GNAI1: variants seen among roughly 807,000 people sequenced by gnomAD.
The protein encoded by GNAI1 is G protein subunit alpha i1.
A neutral mutation model predicts 38.9 loss-of-function variants in GNAI1; 11 were observed. That is an observed-to-expected ratio of 0.28 (90% CI 0.18 to 0.47). The LOEUF (loss-of-function observed/expected upper bound fraction) is 0.47, where lower values mean the gene tolerates loss of function less well. GNAI1 is among the 20% of genes least tolerant of loss of function. GNAI1 has a pLI of 0.99. For synonymous variants in GNAI1, 166 were observed against 145.1 expected, an observed-to-expected ratio of 1.14 and a Z score of -1.04; for missense variants, 317 against 436.9, an observed-to-expected ratio of 0.73 and a Z score of 2.45.
At chr7:80,164,775 C>G (rs1787984993) in intron 1 of GNAI1, among the ~76,000 whole-genome samples, 3 of 152,140 alleles carry the variant, frequency 2.0e-5, no homozygotes, top group African/African-American at 7.2e-5. Flanking sequence ...TCCATGATTT[C>G]TCAAATTTCC....
chr7:80,214,863 C>T (rs950115139), intron 7 of GNAI1, among the ~76,000 whole-genome samples: 1 of 152,270 alleles, frequency 6.6e-6, no homozygotes, highest in East Asian at 1.9e-4. Context: ...CTTTCATAGT[C>T]GTATCTATTC....
At chr7:80,135,512 C>T in intron 1 of GNAI1, 1 of 402,828 alleles carries the variant, frequency 2.5e-6, no homozygotes, top group Admixed American at 4.5e-5. Context: ...CGTCACTTCA[C>T]TCGGATGCTT....
intron 1 of GNAI1, among the ~76,000 whole-genome samples, chr7:80,167,178 T>C (rs1347703845): frequency 6.6e-6 from 1 of 152,220 alleles, no homozygotes; most frequent in Non-Finnish European, 1.5e-5. Flanking sequence ...AATGACCTTT[T>C]TCTACATCTC....
At chr7:80,171,133 G>C (rs1478267572) in intron 1 of GNAI1, among the ~76,000 whole-genome samples, 1 of 152,160 alleles carries the variant, frequency 6.6e-6, no homozygotes, top group African/African-American at 2.4e-5. Flanking sequence ...CAGCTCATCA[G>C]ATTAAAATTA....
In GNAI1 at chr7:80,225,519, A is replaced by G. The variant is rs912985761; in HGVS notation, c.*8026A>G. Among the ~76,000 whole-genome samples the G allele has an allele frequency of 5.9e-5, 9 of 151,598 alleles. No homozygotes were observed. Among genetic ancestry groups the G allele is most frequent in the Admixed American group, 5.3e-4 (8 of 15,178 alleles). On this transcript the variant is annotated 3_prime_UTR_variant, in exon 8 of 8. Coordinates refer to ENST00000649796, the MANE Select transcript of GNAI1 (RefSeq NM_002069.6). ...TAGCCAAATTCCTTTCTTTCTCCAC[A>G]CCTCCCACAGGACTGGGCTGAGCAC... is the stretch of plus-strand genomic sequence containing the variant.
chr7:80,207,085 A>C (rs2115694651), intron 5 of GNAI1, among the ~76,000 whole-genome samples: 1 of 152,222 alleles, frequency 6.6e-6, no homozygotes, highest in African/African-American at 2.4e-5. Flanking sequence ...CCTAATAAGT[A>C]GTTGGGTAAA....
chr7:80,221,287 G>T lies in GNAI1; in HGVS notation c.*3794G>T, dbSNP rs1789069560. ...AAATAATCCATTAATTTTAATGGTT[G>T]TTGTCAGCATTAAATAAGTTCACAG... On this transcript the variant is annotated 3_prime_UTR_variant, in exon 8 of 8. Transcript: ENST00000649796. 6.6e-6 allele frequency among the ~76,000 whole-genome samples: 1 copy of T among 152,154 alleles called. No homozygotes were observed. Among genetic ancestry groups the T allele is most frequent in the South Asian group, 2.1e-4 (1 of 4,824 alleles).
At chr7:80,199,160 C>T in intron 3 of GNAI1, 65 bp from the exon 4 acceptor site, 2 of 1,085,514 alleles carry the variant, frequency 1.8e-6, no homozygotes, top group Admixed American at 2.5e-5. Flanking sequence ...CTAGAATTGT[C>T]TCCTTTGTAC....
rs368601117 is a variant in GNAI1, at chr7:80,210,962, T to G, written c.591-7T>G. On this transcript the variant is annotated splice_region_variant and splice_polypyrimidine_tract_variant and intron_variant, in intron 5 of 7. Transcript: ENST00000649796. Reference sequence around the variant, plus strand: ...ATGTGATGTTAACTCATTTCTCCTCTTAACAGAATGTTTGATGTGGGAGGT... The same window carrying G: ...ATGTGATGTTAACTCATTTCTCCTCGTAACAGAATGTTTGATGTGGGAGGT... 6.2e-7 allele frequency: 1 copy of G among 1,612,834 alleles called. No homozygotes were observed. The highest frequency in any genetic ancestry group is 2.2e-5 in the East Asian group (1 of 44,858).
chr7:80,159,275 G>T (rs1787876678), intron 1 of GNAI1, among the ~76,000 whole-genome samples: 1 of 152,086 alleles, frequency 6.6e-6, no homozygotes, highest in Non-Finnish European at 1.5e-5. Context: ...GATGGGCTGG[G>T]CTAAGTGACA....
At chr7:80,172,464 A>G (rs1354700131) in intron 1 of GNAI1, among the ~76,000 whole-genome samples, 2 of 152,204 alleles carry the variant, frequency 1.3e-5, no homozygotes, top group African/African-American at 2.4e-5. Flanking sequence ...AACAAAATAA[A>G]AATTGCCAGC....
rs1788997476 is a variant in GNAI1 at position 80,217,672 on chromosome 7, A to G, written c.*179A>G. The G allele has an allele frequency of 2.3e-6, 1 of 431,478 alleles. No individual in the cohort carries two copies. Among genetic ancestry groups the G allele is most frequent in the African/African-American group, 2.0e-5 (1 of 49,542 alleles). The allele number at this position is 431,478 out of a possible 1,614,324, so 26.7% of individuals were successfully genotyped here. A position where few individuals can be genotyped will look rare whatever the true frequency, so the allele number is the denominator to read the frequency against. On this transcript the variant is annotated 3_prime_UTR_variant, in exon 8 of 8. Transcript: ENST00000649796. ...AAAGTAACAGAAGGACCTTTCTTAA[A>G]TGTGACAGATGGTCCTGCAGTGTGA...
At chr7:80,182,514 C>T (rs746971685) in intron 1 of GNAI1, among the ~76,000 whole-genome samples, 1 of 152,036 alleles carries the variant, frequency 6.6e-6, no homozygotes, top group Non-Finnish European at 1.5e-5. Context: ...TCCAGAATGT[C>T]AGATATCTCC....
chr7:80,224,114 C>G lies in GNAI1; in HGVS notation c.*6621C>G, dbSNP rs986408688. Reference sequence around the variant, plus strand: ...ATGTACTCATATAGTAAGATTTACTCAAAACCACGAACTCCTCCATTATTT... The same window carrying G: ...ATGTACTCATATAGTAAGATTTACTGAAAACCACGAACTCCTCCATTATTT... On this transcript the variant is annotated 3_prime_UTR_variant, in exon 8 of 8. Coordinates refer to ENST00000649796, the MANE Select transcript of GNAI1 (RefSeq NM_002069.6). 1.3e-5 allele frequency among the ~76,000 whole-genome samples: 2 copies of G among 152,092 alleles called. No individual in the cohort carries two copies. Among genetic ancestry groups the G allele is most frequent in the African/African-American group, 2.4e-5 (1 of 41,404 alleles).
intron 1 of GNAI1, among the ~76,000 whole-genome samples, chr7:80,168,005 T>C (rs1020551588): frequency 2.2e-4 from 33 of 152,330 alleles, no homozygotes; most frequent in African/African-American, 7.9e-4. Flanking sequence ...TTCTTCTGTA[T>C]ATCACAGTAG....
chr7:80,173,757 C>T (rs1410994821), intron 1 of GNAI1, among the ~76,000 whole-genome samples: 1 of 152,170 alleles, frequency 6.6e-6, no homozygotes, highest in East Asian at 1.9e-4. Flanking sequence ...TAACTCATAG[C>T]TTGCTTGGAG....
chr7:80,222,956 A>G lies in GNAI1; in HGVS notation c.*5463A>G, dbSNP rs753318943. Among the ~76,000 whole-genome samples, 1 of 152,208 alleles carries G rather than the reference A, an allele frequency of 6.6e-6. No individual in the cohort carries two copies. The highest frequency in any genetic ancestry group is 1.5e-5 in the Non-Finnish European group (1 of 68,038). ...TAACTTAAAGGTGCTCAGAACACTT[A>G]GATTAGCATACAGTTGGACAAGATA... On this transcript the variant is annotated 3_prime_UTR_variant, in exon 8 of 8. Transcript: ENST00000649796.
chr7:80,181,849 G>C (rs1411365491), intron 1 of GNAI1, among the ~76,000 whole-genome samples: 1 of 152,092 alleles, frequency 6.6e-6, no homozygotes, highest in Non-Finnish European at 1.5e-5. Flanking sequence ...GCTAATTAAC[G>C]TATCCATCAT....
chr7:80,143,904 A>ATGTGTG (rs796509056), intron 1 of GNAI1, among the ~76,000 whole-genome samples: 9 of 76,326 alleles, frequency 1.2e-4, no homozygotes, highest in South Asian at 4.5e-4. Flanking sequence ...CTTAGCAAGG[A>ATGTGTG]TGTGTGTGTG....
Sources: allele counts gnomAD v4.1 joint callset (sites outside exome capture counted in the v4.1 genomes callset), GRCh38; gene constraint gnomAD v4.1.1; transcripts MANE v1.5; gene names NCBI Gene and HGNC (gene_info 2026-07-23, HGNC 2026-07-21).